Variants in DZIP1 observed in about 807,000 individuals in gnomAD.
DZIP1 encodes the protein cilium assembly protein DZIP1.
A neutral mutation model predicts 107.6 loss-of-function variants in DZIP1; 97 were observed. The observed-to-expected ratio is 0.90, with a 90% CI of 0.77 to 1.07. The LOEUF (loss-of-function observed/expected upper bound fraction) is 1.07. Among genes scored for constraint, DZIP1 ranks in the 50% least tolerant of loss-of-function variants. The probability of loss-of-function intolerance (pLI) is 0.00; values close to 1 mark genes in which losing one functional copy is unlikely to be tolerated. For missense variants in DZIP1, 1,035 were observed against 1,063.6 expected (o/e 0.97, Z 0.37); for synonymous variants, 390 against 386.4 (o/e 1.01, Z -0.11).
At chr13:95,620,046 A>G (rs772666717) in intron 9 of DZIP1, 99 bp from the exon 10 acceptor site, 45 of 1,289,578 alleles carry the variant, frequency 3.5e-5, no homozygotes, top group Admixed American at 1.4e-4. Flanking sequence ...AAACCCAACT[A>G]TCTATCTGGT....
chr13:95,590,479 G>C (rs994922755), intron 16 of DZIP1, 38 bp from the exon 17 acceptor site: 2 of 1,569,122 alleles, frequency 1.3e-6, no homozygotes. Flanking sequence ...AGTTATCCTG[G>C]GAGGTTTCAT....
chr13:95,636,280 C>T (rs778063160), intron 5 of DZIP1, among the ~76,000 whole-genome samples: 4 of 151,272 alleles, frequency 2.6e-5, no homozygotes, highest in African/African-American at 2.4e-5. Context: ...CAGTGGCTCA[C>T]GCCTGTAATC....
At chr13:95,633,936 TAAGTA>T (rs1594738048) in intron 5 of DZIP1, among the ~76,000 whole-genome samples, 1 of 151,982 alleles carries the variant, frequency 6.6e-6, no homozygotes, top group African/African-American at 2.4e-5. Context: ...AGTAAAAATA[TAAGTA>T]AATAAATAAA....
At chr13:95,596,071 T>C (rs2044449322) in intron 15 of DZIP1, among the ~76,000 whole-genome samples, 1 of 152,008 alleles carries the variant, frequency 6.6e-6, no homozygotes, top group African/African-American at 2.4e-5. Flanking sequence ...TTATGAATAA[T>C]TAGAGCACCC....
chr13:95,611,564 A>C, intron 11 of DZIP1, 71 bp from the exon 12 acceptor site: 1 of 1,221,450 alleles, frequency 8.2e-7, no homozygotes, highest in Non-Finnish European at 1.2e-6. Flanking sequence ...GATAATGGAC[A>C]GATAATGTTG....
At chr13:95,613,885 A>C (rs1315167434) in intron 10 of DZIP1, among the ~76,000 whole-genome samples, 3 of 152,166 alleles carry the variant, frequency 2.0e-5, no homozygotes, top group African/African-American at 7.2e-5. Flanking sequence ...CTCTTTCGGG[A>C]GGCCGAGGAG....
At chr13:95,614,729 T>C (rs887425142) in intron 10 of DZIP1, among the ~76,000 whole-genome samples, 5 of 152,174 alleles carry the variant, frequency 3.3e-5, no homozygotes, top group Non-Finnish European at 5.9e-5. Context: ...TCCTTCATTA[T>C]GTGACCATCT....
At chr13:95,643,487 A>C (rs1197783022) in intron 2 of DZIP1, 114 bp downstream of exon 2, 2 of 152,608 alleles carry the variant, frequency 1.3e-5, no homozygotes, top group Non-Finnish European at 2.9e-5. Flanking sequence ...AGTGCTAAAG[A>C]CATAAATAGT....
chr13:95,600,132 C>T (rs2138957918), intron 14 of DZIP1, among the ~76,000 whole-genome samples: 1 of 152,204 alleles, frequency 6.6e-6, no homozygotes, highest in South Asian at 2.1e-4. Flanking sequence ...AGGAAGCCTG[C>T]CAGCAGCAGG....
chr13:95,587,107 G>A lies in DZIP1; in HGVS notation c.2218+432C>T, dbSNP rs562187231. On this transcript the variant is annotated intron_variant, in intron 20 of 22. Transcript: ENST00000376829. ...CCTAATCCAATGTCCTTATACAAAC[G>A]AGACATCTGGACAGAGATGCACACA... Among the ~76,000 whole-genome samples the A allele has an allele frequency of 1.4e-4, 21 of 152,294 alleles. 1 individual carries two copies. The South Asian group carries it at 1.4e-3, about 11-fold the overall frequency.
In DZIP1 at chr13:95,580,928, G is replaced by T. The variant is rs1259830164; in HGVS notation, c.*1306C>A. ...ATAGGAAGTTGGAAGGATTCTTTTA[G>T]AGGGCAGGAATGGGCTACAAGTAAA... On this transcript the variant is annotated 3_prime_UTR_variant, in exon 23 of 23. Coordinates refer to ENST00000376829, the MANE Select transcript of DZIP1 (RefSeq NM_198968.4). 6.6e-6 allele frequency: 1 copy of T among 152,238 alleles called. No individual in the cohort carries two copies. The highest frequency in any genetic ancestry group is 1.5e-5 in the Non-Finnish European group (1 of 68,054). The allele number at this position is 152,238 out of a possible 1,614,324, so 9.4% of individuals were successfully genotyped here.
chr13:95,630,930 T>G, intron 6 of DZIP1: 1 of 311,408 alleles, frequency 3.2e-6, no homozygotes, highest in Non-Finnish European at 6.3e-6. Context: ...GAATGGTAGA[T>G]TAATTAAAAT....
At position 95,609,464 on chromosome 13, in the gene DZIP1, A is replaced by G; in HGVS notation, c.1413T>C (p.Ala471=). The change falls in exon 13 of 23, where the codon GCT becomes GCC. Residue 471 remains alanine (A), a synonymous_variant. Transcript: ENST00000376829. Reference sequence around the variant, plus strand: ...TCTATTATAGGAACTTACTAGGCACAGCTGGAGCAGCTGGCTGAGATTCAA... The same window carrying G: ...TCTATTATAGGAACTTACTAGGCACGGCTGGAGCAGCTGGCTGAGATTCAA... ...QAFESQPAAP[A]VPMNAPALHT... is the part of the protein sequence containing the mutation. 6.3e-7 allele frequency: 1 copy of G among 1,578,140 alleles called. No individual in the cohort carries two copies.
intron 16 of DZIP1, among the ~76,000 whole-genome samples, chr13:95,591,051 C>CA (rs1407812983): frequency 7.3e-6 from 1 of 136,730 alleles, no homozygotes; most frequent in African/African-American, 2.8e-5. Flanking sequence ...TTTCCTGAGA[C>CA]AGAGTCTCGC....
chr13:95,625,886 G>A (rs915560508), intron 7 of DZIP1, among the ~76,000 whole-genome samples: 11 of 152,026 alleles, frequency 7.2e-5, no homozygotes, highest in African/African-American at 2.4e-4. Flanking sequence ...AGTTTGGGAG[G>A]CCACGGTGGA....
Position 95,589,856 on chromosome 13 carries a change from G to A in DZIP1, c.1920C>T (p.Asn640=), listed in dbSNP as rs149750944. ...VPKMIQLPSK[N]RQLIRQKAVS... ...CAGCTTTTTGTCTAATCAGTTGTCT[G>A]TTTTTGGAAGGAAGTTGTATCATTT... is the stretch of plus-strand genomic sequence containing the variant. Residue 640 remains asparagine (N), a synonymous_variant, in exon 18 of 23, where the codon AAC becomes AAT. Transcript: ENST00000376829. The A allele has an allele frequency of 6.2e-7, 1 of 1,614,192 alleles. No homozygotes were observed. The highest frequency in any genetic ancestry group is 8.5e-7 in the Non-Finnish European group (1 of 1,180,028).
chr13:95,614,072 G>C (rs1198606292), intron 10 of DZIP1, among the ~76,000 whole-genome samples: 1 of 146,152 alleles, frequency 6.8e-6, no homozygotes, highest in Non-Finnish European at 1.5e-5. Context: ...GCTGCAGTGA[G>C]CTATGCTCAA....
chr13:95,616,906 GC>G (rs1365192615), intron 10 of DZIP1, among the ~76,000 whole-genome samples: 1 of 151,966 alleles, frequency 6.6e-6, no homozygotes, highest in Non-Finnish European at 1.5e-5. Context: ...ATTCAGGTGA[GC>G]CCCCTGAAAG....
chr13:95,615,877 A>G (rs1302955212), intron 10 of DZIP1, among the ~76,000 whole-genome samples: 4 of 152,220 alleles, frequency 2.6e-5, no homozygotes, highest in Non-Finnish European at 5.9e-5. Flanking sequence ...GAACTCTTAG[A>G]AGGCTTAAGT....
Sources: gnomAD v4.1 joint callset for allele counts (sites outside exome capture counted in the v4.1 genomes callset) on GRCh38, gnomAD v4.1.1 for gene constraint, MANE v1.5 for transcripts, NCBI Gene and HGNC (gene_info 2026-07-23, HGNC 2026-07-21) for gene names.